The following UEVLD variants were observed in gnomAD, a reference collection of about 807,000 sequenced individuals.
UEVLD encodes UEV and lactate/malate dehyrogenase domains.
In UEVLD, 47 loss-of-function variants were observed where a neutral mutation model predicts 58.6. That is an observed-to-expected ratio of 0.80 (90% CI 0.63 to 1.02). The LOEUF (loss-of-function observed/expected upper bound fraction) is 1.02, where lower values mean the gene tolerates loss of function less well. Ranked by LOEUF, UEVLD falls within the 50% of genes least tolerant of loss-of-function variation. The pLI, the probability that UEVLD is intolerant of heterozygous loss-of-function variation, is 0.00. For synonymous variants in UEVLD, 197 were observed against 195.3 expected (o/e 1.01, Z -0.07); for missense variants, 510 against 550.6 (o/e 0.93, Z 0.74).
At chr11:18,539,763 T>A (rs532889939) in intron 9 of UEVLD, among the ~76,000 whole-genome samples, 1 of 152,126 alleles carries the variant, frequency 6.6e-6, no homozygotes, top group African/African-American at 2.4e-5. Flanking sequence ...TGAGAGTGCA[T>A]AAACCATTCA....
intron 4 of UEVLD, among the ~76,000 whole-genome samples, chr11:18,568,732 T>C (rs929076536): frequency 1.3e-5 from 2 of 152,136 alleles, no homozygotes; most frequent in Admixed American, 6.5e-5. Flanking sequence ...TATATAAAAA[T>C]ATAGAAAACC....
intron 9 of UEVLD, 141 bp from the exon 10 acceptor site, chr11:18,536,610 A>T: frequency 1.5e-6 from 1 of 665,662 alleles, no homozygotes; most frequent in Non-Finnish European, 2.5e-6. Context: ...AGATTTTTCC[A>T]CTGGATAACA....
chr11:18,548,641 G>A (rs1197347317), intron 7 of UEVLD, among the ~76,000 whole-genome samples: 1 of 152,118 alleles, frequency 6.6e-6, no homozygotes, highest in African/African-American at 2.4e-5. Flanking sequence ...TGGTGAGGTT[G>A]GTCTCGAACT....
chr11:18,560,580 A>T (rs1157674821), intron 6 of UEVLD, among the ~76,000 whole-genome samples: 1 of 152,224 alleles, frequency 6.6e-6, no homozygotes, highest in Non-Finnish European at 1.5e-5. Context: ...AAGGATATTC[A>T]TAAGACTAGG....
At chr11:18,580,097 C>T (rs1244023654) in intron 1 of UEVLD, among the ~76,000 whole-genome samples, 2 of 108,370 alleles carry the variant, frequency 1.8e-5, no homozygotes, top group Admixed American at 1.3e-4. Context: ...TTTGGAAATT[C>T]GAGGGACCTA....
chr11:18,559,043 T>C (rs1490047543), intron 6 of UEVLD, among the ~76,000 whole-genome samples: 2 of 150,946 alleles, frequency 1.3e-5, no homozygotes, highest in Non-Finnish European at 3.0e-5. Flanking sequence ...CCCACCTAAT[T>C]TTGTATTTTT....
rs1009975568 is a variant in UEVLD at position 18,537,822 on chromosome 11, C to T, written c.1061-1353G>A. 2.0e-5 allele frequency among the ~76,000 whole-genome samples: 3 copies of T among 152,154 alleles called. No individual in the cohort carries two copies. The East Asian group carries it at 5.8e-4, about 29-fold the overall frequency. ...GGATTACAGGTGCCTGCCACCACAC[C>T]AGGCTAATTTTTGTATTTTTAGTAG... On this transcript the variant is annotated intron_variant, in intron 9 of 11. Transcript: ENST00000396197.
Position 18,532,236 on chromosome 11 carries a change from GA to G in UEVLD, c.*83del. ...TTGTAAAAGTAAGTAGCAGGATACA[GA>G]AATCCTCAAACCTATATATAGGTAA... On this transcript the variant is annotated 3_prime_UTR_variant, in exon 12 of 12. Transcript: ENST00000396197. 7.7e-7 allele frequency: 1 copy of G among 1,302,756 alleles called. No individual in the cohort carries two copies. The highest frequency in any genetic ancestry group is 1.0e-6 in the Non-Finnish European group (1 of 976,710). 80.7% of individuals were successfully genotyped at this position (1,302,756 alleles called of 1,614,324 possible).
At chr11:18,561,631 C>T in intron 6 of UEVLD, among the ~76,000 whole-genome samples, 1 of 152,124 alleles carries the variant, frequency 6.6e-6, no homozygotes, top group East Asian at 1.9e-4. Flanking sequence ...TGCCTGAGGT[C>T]AGGAGCTCAA....
chr11:18,555,170 T>TA (rs1357540310), intron 7 of UEVLD, among the ~76,000 whole-genome samples: 1 of 152,110 alleles, frequency 6.6e-6, no homozygotes, highest in Admixed American at 6.5e-5. Context: ...CTCACGCCTG[T>TA]AATCCCAGCA....
chr11:18,571,778 G>C (rs921672836), intron 3 of UEVLD, among the ~76,000 whole-genome samples: 1 of 152,158 alleles, frequency 6.6e-6, no homozygotes, highest in South Asian at 2.1e-4. Flanking sequence ...ACCAGCCTGG[G>C]CAACAATGCA....
At chr11:18,576,872 C>T (rs759314576) in intron 2 of UEVLD, among the ~76,000 whole-genome samples, 5 of 152,252 alleles carry the variant, frequency 3.3e-5, no homozygotes, top group South Asian at 2.1e-4. Flanking sequence ...ATGCTCGGGG[C>T]GACTGATTTG....
At position 18,566,359 on chromosome 11, in the gene UEVLD, T is replaced by C. The variant is rs1387941670; in HGVS notation, c.481A>G (p.Lys161Glu). The C allele has an allele frequency of 1.4e-5, 23 of 1,614,060 alleles. No individual in the cohort carries two copies. Among genetic ancestry groups the C allele is most frequent in the Middle Eastern group, 1.6e-4 (1 of 6,062 alleles). The change falls in exon 5 of 12, where the codon AAA (lysine) becomes GAA (glutamate). Residue 161 changes from lysine (K) to glutamate (E), a missense_variant. Lys to Glu is a moderately conservative substitution (Grantham distance 56, BLOSUM62 1). Transcript: ENST00000396197. ...RQVDLLAYIAKITEGVSDTNS... is the reference protein window; with the variant it reads ...RQVDLLAYIAEITEGVSDTNS... ...CAAATATACAAACCTTCAGTGATTT[T>C]TGCAATATAGGCTAGCAAGTCTACC...
chr11:18,534,718 CAAT>C (rs1363650059), intron 10 of UEVLD, among the ~76,000 whole-genome samples: 4 of 152,090 alleles, frequency 2.6e-5, no homozygotes, highest in East Asian at 3.9e-4. Context: ...TGAATTAAAA[CAAT>C]AAATACCAAT....
Position 18,575,334 on chromosome 11 carries a change from C to T in UEVLD, c.193+13G>A. 1 of 1,592,654 alleles carries T rather than the reference C, an allele frequency of 6.3e-7. No homozygotes were observed. The highest frequency in any genetic ancestry group is 8.5e-7 in the Non-Finnish European group (1 of 1,174,602). On this transcript the variant is annotated intron_variant, in intron 3 of 11. Coordinates refer to ENST00000396197, the MANE Select transcript of UEVLD (RefSeq NM_001040697.4). Reference sequence around the variant, plus strand: ...TTAGAAAACTCACACATTTTTTCAACTTCCACACTTACCCTGATACATCAC... The same window carrying T: ...TTAGAAAACTCACACATTTTTTCAATTTCCACACTTACCCTGATACATCAC...
chr11:18,586,050 A>C (rs1853543328), intron 1 of UEVLD, among the ~76,000 whole-genome samples: 1 of 152,232 alleles, frequency 6.6e-6, no homozygotes, highest in Non-Finnish European at 1.5e-5. Context: ...CCTATAGATA[A>C]ATTTGGAGAG....
rs1853568774 is a variant in UEVLD at position 18,586,483 on chromosome 11, C to T, written c.42+2130G>A. ...CTACCCGCCTCGGTCTCCCAAAGTG[C>T]TGGAATTACAGACGTGAGCTACCGT... On this transcript the variant is annotated intron_variant, in intron 1 of 11. Coordinates refer to ENST00000396197, the MANE Select transcript of UEVLD (RefSeq NM_001040697.4). Among the ~76,000 whole-genome samples, 3 of 152,112 alleles carry T rather than the reference C, an allele frequency of 2.0e-5. No individual in the cohort carries two copies. The South Asian group carries it at 6.2e-4, about 31-fold the overall frequency.
At chr11:18,534,181 TTAAAC>T in intron 11 of UEVLD, 144 bp downstream of exon 11, 1 of 559,842 alleles carries the variant, frequency 1.8e-6, no homozygotes, top group South Asian at 3.9e-5. Flanking sequence ...AGGATAGGGC[TTAAAC>T]TAAACTGCCT....
intron 1 of UEVLD, among the ~76,000 whole-genome samples, chr11:18,582,772 G>A (rs973996482): frequency 1.3e-5 from 2 of 152,112 alleles, no homozygotes; most frequent in Non-Finnish European, 2.9e-5. Context: ...TGCTTAAAGG[G>A]TACAGGTACT....
Sources: allele counts gnomAD v4.1 joint callset (sites outside exome capture counted in the v4.1 genomes callset), GRCh38; gene constraint gnomAD v4.1.1; transcripts MANE v1.5; gene names NCBI Gene and HGNC (gene_info 2026-07-23, HGNC 2026-07-21).